Variants in PHIP observed in about 807,000 individuals in gnomAD.
PHIP encodes PHIP subunit of CUL4-Ring ligase complex.
PHIP carries 54 observed loss-of-function variants against 236.8 expected under a neutral mutation model. The observed-to-expected ratio is 0.23, with a 90% confidence interval of 0.18 to 0.29. PHIP has a LOEUF of 0.29. Among genes scored for constraint, PHIP ranks in the 10% least tolerant of loss-of-function variants. PHIP has a pLI of 1.00. For synonymous variants in PHIP, 756 were observed against 718.9 expected, an observed-to-expected ratio of 1.05 and a Z score of -0.83; for missense variants, 1,370 against 2,190.8, an observed-to-expected ratio of 0.63 and a Z score of 7.48.
At chr6:78,957,191 GTA>G (rs1451410561) in intron 32 of PHIP, 1 of 151,880 alleles carries the variant, frequency 6.6e-6, no homozygotes, top group Non-Finnish European at 1.5e-5. Flanking sequence ...ACTTTCAAAT[GTA>G]TTAACAATTT....
chr6:79,077,782 G>A (rs1415995601), intron 2 of PHIP, 53 bp from the exon 3 acceptor site: 2 of 933,298 alleles, frequency 2.1e-6, no homozygotes, highest in Non-Finnish European at 2.5e-6. Flanking sequence ...CCGCGGCCCC[G>A]CCGCCGCCGC....
intron 9 of PHIP, among the ~76,000 whole-genome samples, chr6:79,023,901 A>G (rs190644862): frequency 2.6e-4 from 40 of 152,338 alleles, no homozygotes; most frequent in African/African-American, 9.1e-4. Flanking sequence ...CTCTAAAACA[A>G]TAAGACAGGA....
intron 29 of PHIP, 116 bp downstream of exon 29, chr6:78,965,587 G>T (rs1206572773): frequency 1.6e-6 from 1 of 636,096 alleles, no homozygotes; most frequent in East Asian, 2.6e-5. Flanking sequence ...TTTGCCAAAT[G>T]AATGTTTTCT....
chr6:79,017,661 C>T (rs561183358), intron 10 of PHIP, 78 bp from the exon 11 acceptor site: 3 of 1,015,052 alleles, frequency 3.0e-6, no homozygotes, highest in East Asian at 5.1e-5. Context: ...AAAATGTAAG[C>T]AAAATTACAG....
At chr6:79,042,763 G>A in intron 7 of PHIP, 80 bp downstream of exon 7, 1 of 1,060,350 alleles carries the variant, frequency 9.4e-7, no homozygotes, top group Non-Finnish European at 1.3e-6. Flanking sequence ...AAAAAGCAAG[G>A]TTTTACTTCA....
intron 20 of PHIP, among the ~76,000 whole-genome samples, chr6:78,988,835 A>G (rs570967051): frequency 6.6e-6 from 1 of 152,232 alleles, no homozygotes; most frequent in South Asian, 2.1e-4. Flanking sequence ...TATAGAAATG[A>G]TGTAAGAAAA....
chr6:79,002,232 G>T, intron 16 of PHIP, 108 bp from the exon 17 acceptor site: 5 of 643,296 alleles, frequency 7.8e-6, no homozygotes, highest in South Asian at 2.1e-5. Context: ...TACGAATAAT[G>T]GTATTAAGCA....
chr6:79,029,331 G>A (rs1474367688), intron 7 of PHIP, among the ~76,000 whole-genome samples: 2 of 151,966 alleles, frequency 1.3e-5, no homozygotes, highest in African/African-American at 2.4e-5. Context: ...ATATATCATC[G>A]CTTGTGATAA....
At chr6:78,944,923 T>C (rs1773718213) in intron 39 of PHIP, among the ~76,000 whole-genome samples, 1 of 152,272 alleles carries the variant, frequency 6.6e-6, no homozygotes, top group East Asian at 1.9e-4. Context: ...TATTCTACAG[T>C]TGTAGACAAC....
At position 78,963,251 on chromosome 6, in the gene PHIP, A is replaced by T. The variant is rs557709394; in HGVS notation, c.3381T>A (p.Ala1127=). ...TGGTACCTAGTTCTTCAGGAAATAC[A>T]GCTGAAATAGAAAAGCAGATCATTG... ...PWDMELIPNN[A]VFPEELGTSV... Residue 1127 remains alanine (A), a splice_region_variant and synonymous_variant, in exon 30 of 40, where the codon GCT becomes GCA. Transcript: ENST00000275034. 6.3e-7 allele frequency: 1 copy of T among 1,598,268 alleles called. No homozygotes were observed. The highest frequency in any genetic ancestry group is 1.3e-5 in the African/African-American group (1 of 74,112).
chr6:78,941,604 A>C (rs1453549709), intron 39 of PHIP, among the ~76,000 whole-genome samples: 3 of 152,172 alleles, frequency 2.0e-5, no homozygotes, highest in African/African-American at 7.2e-5. Flanking sequence ...ATTGAGTATA[A>C]AGCTGGGATG....
chr6:79,007,684 C>A, intron 15 of PHIP, among the ~76,000 whole-genome samples: 1 of 138,626 alleles, frequency 7.2e-6, no homozygotes. Flanking sequence ...TTTAAGCACA[C>A]CGTTCATTAG....
At chr6:79,044,504 T>C (rs544399029) in intron 6 of PHIP, among the ~76,000 whole-genome samples, 21 of 152,278 alleles carry the variant, frequency 1.4e-4, no homozygotes, top group Admixed American at 4.6e-4. Flanking sequence ...ACAAAAACCA[T>C]AGACATCAAT....
chr6:78,968,952 T>C lies in PHIP; in HGVS notation c.3205+883A>G, dbSNP rs114813132. The stretch of plus-strand genomic sequence containing the variant: ...GCTAGGTAGCTGCTATCCTGAGGCT[T>C]CTACTGAATATTATTTGGGATTCCT... On this transcript the variant is annotated intron_variant, in intron 27 of 39. Coordinates refer to ENST00000275034, the MANE Select transcript of PHIP (RefSeq NM_017934.7). Among the ~76,000 whole-genome samples the C allele has an allele frequency of 5.9e-3, 898 of 152,344 alleles. 4 individuals carry two copies. The highest frequency in any genetic ancestry group is 0.02 in the African/African-American group (828 of 41,590).
intron 17 of PHIP, among the ~76,000 whole-genome samples, chr6:78,998,874 C>T (rs892343706): frequency 5.3e-5 from 8 of 152,152 alleles, no homozygotes; most frequent in South Asian, 2.1e-4. Context: ...TTAGGAACTA[C>T]GCCAGGTACT....
intron 6 of PHIP, among the ~76,000 whole-genome samples, chr6:79,052,271 G>A (rs2127766580): frequency 6.6e-6 from 1 of 152,306 alleles, no homozygotes; most frequent in African/African-American, 2.4e-5. Flanking sequence ...ATGCTGATGT[G>A]AGCGCAGCAT....
intron 4 of PHIP, among the ~76,000 whole-genome samples, chr6:79,063,068 G>A (rs535875260): frequency 5.8e-4 from 89 of 152,194 alleles, no homozygotes; most frequent in African/African-American, 2.0e-3. Context: ...TGACAGCTAC[G>A]ATCTTCTTCC....
intron 22 of PHIP, among the ~76,000 whole-genome samples, chr6:78,984,721 TGA>T (rs1166073936): frequency 6.6e-6 from 1 of 152,178 alleles, no homozygotes; most frequent in Non-Finnish European, 1.5e-5. Context: ...ATTGTACAAC[TGA>T]GGAACTCTTA....
At chr6:78,971,378 C>A (rs1767537578) in intron 24 of PHIP, among the ~76,000 whole-genome samples, 1 of 152,214 alleles carries the variant, frequency 6.6e-6, no homozygotes, top group African/African-American at 2.4e-5. Context: ...TGACTACTGT[C>A]TTGGAGAACT....
Sources: gnomAD v4.1 joint callset for allele counts (sites outside exome capture counted in the v4.1 genomes callset) on GRCh38, gnomAD v4.1.1 for gene constraint, MANE v1.5 for transcripts, NCBI Gene and HGNC (gene_info 2026-07-23, HGNC 2026-07-21) for gene names.